The following TCTN2 variants were observed in gnomAD, a reference collection of about 807,000 sequenced individuals.
TCTN2 encodes the protein tectonic family member 2.
TCTN2 carries 66 observed loss-of-function variants against 83.4 expected under a neutral mutation model. The observed-to-expected ratio is 0.79, with a 90% CI of 0.65 to 0.97. TCTN2 has a LOEUF of 0.97. Among genes scored for constraint, TCTN2 ranks in the 50% least tolerant of loss-of-function variants. TCTN2 has a pLI of 0.00. For synonymous variants in TCTN2, 301 were observed against 326.7 expected, an observed-to-expected ratio of 0.92 and a Z score of 0.85; for missense variants, 794 against 858.1, an observed-to-expected ratio of 0.93 and a Z score of 0.93.
chr12:123,686,717 T>C lies in TCTN2; in HGVS notation c.565-119T>C, dbSNP rs972568050. 16 of 957,494 alleles carry C rather than the reference T, an allele frequency of 1.7e-5. No homozygotes were observed. The East Asian group carries it at 2.2e-4, about 13-fold the overall frequency. The allele number at this position is 957,494 out of a possible 1,614,324, so 59.3% of individuals were successfully genotyped here. A position where few individuals can be genotyped will look rare whatever the true frequency, so the allele number is the denominator to read the frequency against. ...GCACTTTTAGATGAGACACAGATTA[T>C]AGGTTTTCTTGCTTACTTGGTAGTG... On this transcript the variant is annotated intron_variant, in intron 5 of 17. Transcript: ENST00000303372.
intron 8 of TCTN2, among the ~76,000 whole-genome samples, chr12:123,691,716 A>ATT (rs1956043045): frequency 6.7e-6 from 1 of 148,728 alleles, no homozygotes; most frequent in African/African-American, 2.5e-5. Flanking sequence ...GACCCACCAA[A>ATT]TTGTTTTTTT....
At chr12:123,684,780 G>A (rs1186435517) in intron 5 of TCTN2, among the ~76,000 whole-genome samples, 4 of 151,952 alleles carry the variant, frequency 2.6e-5, no homozygotes, top group African/African-American at 9.7e-5. Context: ...GGCCGGGCAC[G>A]GTGGCTCACC....
Position 123,673,795 on chromosome 12 carries a change from A to G in TCTN2, c.448A>G (p.Thr150Ala). The change falls in exon 4 of 18, where the codon ACC becomes GCC. Residue 150 changes from threonine to alanine, a missense_variant. Physicochemically the swap from Thr to Ala is moderately conservative, Grantham distance 58. Coordinates refer to ENST00000303372, the MANE Select transcript of TCTN2 (RefSeq NM_024809.5). The stretch of plus-strand genomic sequence containing the variant: ...GGAAATTTATGCCAACTCTTCTCTG[A>G]CCCATAATGCCTCAGGCAAGTGAAG... ...QVEIYANSSL[T>A]HNASENVTVI... The G allele has an allele frequency of 6.2e-7, 1 of 1,614,156 alleles. No individual in the cohort carries two copies. The highest frequency in any genetic ancestry group is 8.5e-7 in the Non-Finnish European group (1 of 1,180,018).
intron 14 of TCTN2, among the ~76,000 whole-genome samples, chr12:123,703,205 G>A (rs1321233229): frequency 7.5e-6 from 1 of 133,662 alleles, no homozygotes; most frequent in East Asian, 2.2e-4. Context: ...TTTTTTTTTT[G>A]AGATGGAGTC....
At chr12:123,700,001 CT>C (rs760100863) in intron 14 of TCTN2, 191 bp downstream of exon 14, 73 of 648,306 alleles carry the variant, frequency 1.1e-4, no homozygotes, top group Non-Finnish European at 1.4e-4. Context: ...TTCACAATGA[CT>C]TTTTTGATTT....
chr12:123,693,674 G>A (rs1272829299), intron 9 of TCTN2, among the ~76,000 whole-genome samples: 9 of 151,254 alleles, frequency 6.0e-5, no homozygotes, highest in Non-Finnish European at 1.0e-4. Context: ...GGCTGGTTTC[G>A]AACTCCTGAC....
rs960578157 is a variant in TCTN2, at chr12:123,704,676, G to T, written c.1757G>T (p.Gly586Val). ...VEGITQQEIL[G>V]VETRFSSVNW... ...GGGATTACTCAGCAGGAGATACTCG[G>T]TGTAGAGACAAGGTATGATCACATC... Residue 586 changes from glycine to valine, a missense_variant, in exon 15 of 18, where the codon GGT becomes GTT. Physicochemically the swap from Gly to Val is moderately radical, Grantham distance 109. Transcript: ENST00000303372. 1 of 1,613,382 alleles carries T rather than the reference G, an allele frequency of 6.2e-7. No individual in the cohort carries two copies. The highest frequency in any genetic ancestry group is 1.3e-5 in the African/African-American group (1 of 74,674).
intron 4 of TCTN2, among the ~76,000 whole-genome samples, chr12:123,674,249 G>A (rs969022638): frequency 2.6e-4 from 39 of 152,026 alleles, no homozygotes; most frequent in African/African-American, 2.7e-4. Flanking sequence ...GGGAGAAGGT[G>A]AAATTTGTTT....
Position 123,673,955 on chromosome 12 carries a change from G to A in TCTN2, c.463+145G>A, listed in dbSNP as rs7963498. 266,373 of 774,996 alleles carry A rather than the reference G, an allele frequency of 0.34. 49,155 individuals carry two copies. Among genetic ancestry groups the A allele is most frequent in the African/African-American group, 0.41 (23,893 of 58,476 alleles). 48.0% of individuals were successfully genotyped at this position (774,996 alleles called of 1,614,324 possible). A position where few individuals can be genotyped will look rare whatever the true frequency, so the allele number is the denominator to read the frequency against. ...AATGCTACAAATGAGCTGTGATCGC[G>A]CCACTGCGTTCCAGCCAGGGTGACA... is the stretch of plus-strand genomic sequence containing the variant. On this transcript the variant is annotated intron_variant, in intron 4 of 17. Coordinates refer to ENST00000303372, the MANE Select transcript of TCTN2 (RefSeq NM_024809.5).
intron 3 of TCTN2, among the ~76,000 whole-genome samples, chr12:123,673,341 G>A (rs1372738512): frequency 6.6e-6 from 1 of 152,100 alleles, no homozygotes; most frequent in Non-Finnish European, 1.5e-5. Flanking sequence ...CTAAAAAGGT[G>A]TACAATAAAC....
At position 123,706,801 on chromosome 12, in the gene TCTN2, A is replaced by T; in HGVS notation, c.1845A>T (p.Ala615=). 6.2e-7 allele frequency: 1 copy of T among 1,614,148 alleles called. No individual in the cohort carries two copies. The highest frequency in any genetic ancestry group is 8.5e-7 in the Non-Finnish European group (1 of 1,180,022). The change falls in exon 16 of 18, where the codon GCA becomes GCT. Residue 615 remains alanine, a synonymous_variant. Coordinates refer to ENST00000303372, the MANE Select transcript of TCTN2 (RefSeq NM_024809.5). ...AGGCCGACCTTCTCCCTATCAGTGC[A>T]TCCGTCCAGTTTATTAAAATTCCTG... ...EHKADLLPIS[A]SVQFIKIPAQ...
At position 123,671,491 on chromosome 12, in the gene TCTN2, T is replaced by G. The variant is rs1223559773; in HGVS notation, c.83-16T>G. On this transcript the variant is annotated splice_polypyrimidine_tract_variant and intron_variant, in intron 1 of 17. Coordinates refer to ENST00000303372, the MANE Select transcript of TCTN2 (RefSeq NM_024809.5). ...CCACTGCTAACCCCTCCTTGTCCCC[T>G]TTCCTTCCCGCCTAGCTTTCATCCC... The G allele has an allele frequency of 3.7e-6, 6 of 1,613,442 alleles. No individual in the cohort carries two copies. The Admixed American group carries it at 5.0e-5, about 13-fold the overall frequency.
chr12:123,686,908 C>T lies in TCTN2; in HGVS notation c.637C>T (p.Pro213Ser). ...CGGCGTGTTTGGAGGAGACGTCAAT[C>T]CTCCTTTTGATCAGCTCTGCTCTGC... ...FTGVFGGDVN[P>S]PFDQLCSAGT... Residue 213 changes from proline to serine, a missense_variant, in exon 6 of 18, where the codon CCT (proline) becomes TCT (serine). Pro to Ser is a moderately conservative substitution (Grantham distance 74). Coordinates refer to ENST00000303372, the MANE Select transcript of TCTN2 (RefSeq NM_024809.5). The T allele has an allele frequency of 6.2e-7, 1 of 1,614,212 alleles. No individual in the cohort carries two copies. Among genetic ancestry groups the T allele is most frequent in the Non-Finnish European group, 8.5e-7 (1 of 1,180,048 alleles).
rs1467530235 is a variant in TCTN2, at chr12:123,671,139, T to C, written c.-102T>C. On this transcript the variant is annotated 5_prime_UTR_variant, in exon 1 of 18. It removes an upstream start codon present in the reference 5' UTR. Transcript: ENST00000303372. Reference sequence around the variant, plus strand: ...TAGCTCCGGGCGTTCGCTTGCAAGATGGCGGCGGCGGGGCAGTGGCTGCTG... The same window carrying C: ...TAGCTCCGGGCGTTCGCTTGCAAGACGGCGGCGGCGGGGCAGTGGCTGCTG... The C allele has an allele frequency of 2.3e-5, 27 of 1,166,134 alleles. No homozygotes were observed. Among genetic ancestry groups the C allele is most frequent in the Non-Finnish European group, 3.2e-5 (26 of 806,518 alleles). 72.2% of individuals were successfully genotyped at this position (1,166,134 alleles called of 1,614,324 possible).
chr12:123,696,847 A>C, intron 12 of TCTN2: 1 of 547,708 alleles, frequency 1.8e-6, no homozygotes, highest in Non-Finnish European at 3.3e-6. Context: ...CTTCAGTGGT[A>C]ATTACGCACA....
chr12:123,704,617 C>T lies in TCTN2; in HGVS notation c.1698C>T (p.Ile566=). The T allele has an allele frequency of 6.2e-7, 1 of 1,613,538 alleles. No homozygotes were observed. Among genetic ancestry groups the T allele is most frequent in the Non-Finnish European group, 8.5e-7 (1 of 1,179,964 alleles). The change falls in exon 15 of 18, where the codon ATC becomes ATT. Residue 566 remains isoleucine, a synonymous_variant. Transcript: ENST00000303372. ...TGGATATTCCTGCTCACCTGAGCAT[C>T]CGCATCCTCATCTCGGATGCTGGCG... ...MCLDIPAHLS[I]RILISDAGAV...
chr12:123,697,518 G>A (rs1956124185), intron 13 of TCTN2, among the ~76,000 whole-genome samples: 1 of 151,960 alleles, frequency 6.6e-6, no homozygotes, highest in South Asian at 2.1e-4. Flanking sequence ...TTTTTTTGTT[G>A]AGATGAAGTC....
At chr12:123,674,813 C>T (rs910370792) in intron 4 of TCTN2, among the ~76,000 whole-genome samples, 30 of 152,086 alleles carry the variant, frequency 2.0e-4, no homozygotes, top group South Asian at 2.1e-4. Context: ...ATCGCTTGAG[C>T]GTAGGAGTTT....
chr12:123,689,649 C>T (rs995707775), intron 7 of TCTN2, among the ~76,000 whole-genome samples: 9 of 152,020 alleles, frequency 5.9e-5, no homozygotes, highest in Admixed American at 3.3e-4. Flanking sequence ...TTTTCTGATC[C>T]TCTCCCTCCT....
Sources: allele counts gnomAD v4.1 joint callset (sites outside exome capture counted in the v4.1 genomes callset), GRCh38; gene constraint gnomAD v4.1.1; transcripts MANE v1.5; gene names NCBI Gene and HGNC (gene_info 2026-07-23, HGNC 2026-07-21).